The following PCDHGB3 variants were observed in gnomAD, a reference collection of about 807,000 sequenced individuals.
PCDHGB3 encodes the protein protocadherin gamma-B3.
Under a neutral mutation model 59.2 loss-of-function variants are expected in PCDHGB3, and 40 were observed. That is an observed-to-expected ratio of 0.68 (90% confidence interval 0.52 to 0.88). The LOEUF (loss-of-function observed/expected upper bound fraction) is 0.88, where lower values mean the gene tolerates loss of function less well. PCDHGB3 is among the 40% of genes least tolerant of loss of function. The pLI is 0.00. For missense variants in PCDHGB3, 1,309 were observed against 1,187.9 expected (o/e 1.10, Z -1.50); for synonymous variants, 581 against 503.6 (o/e 1.15, Z -2.06).
chr5:141,422,194 C>A, intron 1 of PCDHGB3: 1 of 1,562,366 alleles, frequency 6.4e-7, no homozygotes, highest in South Asian at 1.2e-5. Flanking sequence ...AATTCAAGGC[C>A]AAGATGGTGG....
At position 141,389,543 on chromosome 5, in the gene PCDHGB3, C is replaced by A. The variant is rs550025687; in HGVS notation, c.2415+16734C>A. 5.6e-6 allele frequency: 9 copies of A among 1,613,282 alleles called. No individual in the cohort carries two copies. In the East Asian group the frequency reaches 6.7e-5, roughly 12 times the overall value. ...GCCTGCGCGTGTTAGTGGACGACCG[C>A]AACGACAATGCGCCACGGGTGCTGT... On this transcript the variant is annotated intron_variant, in intron 1 of 3. Transcript: ENST00000576222.
intron 1 of PCDHGB3, chr5:141,375,594 A>T: frequency 6.2e-7 from 1 of 1,613,890 alleles, no homozygotes; most frequent in Non-Finnish European, 8.5e-7. Flanking sequence ...CTGTCCTCCT[A>T]CGTGTCCATC....
chr5:141,498,919 CG>C (rs2099786825), intron 2 of PCDHGB3, among the ~76,000 whole-genome samples: 1 of 122,240 alleles, frequency 8.2e-6, no homozygotes, highest in African/African-American at 3.1e-5. Context: ...GGTGACAGAG[CG>C]AGACTCCATC....
chr5:141,431,071 A>G lies in PCDHGB3; in HGVS notation c.2415+58262A>G. The G allele has an allele frequency of 6.2e-7, 1 of 1,614,244 alleles. No homozygotes were observed. On this transcript the variant is annotated intron_variant, in intron 1 of 3. Coordinates refer to ENST00000576222, the MANE Select transcript of PCDHGB3 (RefSeq NM_018924.5). The surrounding 1 kb of genome is among the most constrained non-coding windows in gnomAD (Gnocchi z 4.8). ...GTATGGGGGCCATCAAGTGTCAATTAAATCTAGACATTCTGATGGAGGATA... is the reference window on the plus strand; with the variant it reads ...GTATGGGGGCCATCAAGTGTCAATTGAATCTAGACATTCTGATGGAGGATA...
At chr5:141,510,626 AGGTG>A (rs2099882005) in intron 3 of PCDHGB3, among the ~76,000 whole-genome samples, 1 of 152,144 alleles carries the variant, frequency 6.6e-6, no homozygotes, top group Admixed American at 6.5e-5. Context: ...AAACCAGAAG[AGGTG>A]GTTACCATTA....
chr5:141,371,565 C>A lies in PCDHGB3; in HGVS notation c.1171C>A (p.Pro391Thr), dbSNP rs373548501. ...CCTATGCCAACTAAAAGGAAACTTC[C>A]CCTTTAAAATCGTTCAAGATACCAA... ...EILCQLKGNF[P>T]FKIVQDTKNT... The change falls in exon 1 of 4, where the codon CCC (proline) becomes ACC (threonine). Residue 391 changes from proline (P) to threonine (T), a missense_variant. Coordinates refer to ENST00000576222, the MANE Select transcript of PCDHGB3 (RefSeq NM_018924.5). 3.5e-5 allele frequency: 57 copies of A among 1,613,742 alleles called. No homozygotes were observed. Among genetic ancestry groups the A allele is most frequent in the Non-Finnish European group, 4.6e-5 (54 of 1,179,828 alleles).
Position 141,476,757 on chromosome 5 carries a change from T to C in PCDHGB3, c.2416-18050T>C. On this transcript the variant is annotated intron_variant, in intron 1 of 3. Coordinates refer to ENST00000576222, the MANE Select transcript of PCDHGB3 (RefSeq NM_018924.5). This position sits in a 1 kb window ranked among gnomAD's most constrained non-coding sequence, Gnocchi z 7.6. ...CGGGAGCCTAGTCTCCAGTTAGTGC[T>C]GACGGCGTTGGACGGAGGGACCCCA... 1.2e-6 allele frequency: 2 copies of C among 1,613,906 alleles called. No individual in the cohort carries two copies. The highest frequency in any genetic ancestry group is 1.7e-6 in the Non-Finnish European group (2 of 1,180,004).
At chr5:141,398,075 A>T in intron 1 of PCDHGB3, 1 of 1,592,106 alleles carries the variant, frequency 6.3e-7, no homozygotes, top group Non-Finnish European at 8.6e-7. Flanking sequence ...TACAGAGGTT[A>T]TTTGTAACCT....
chr5:141,483,786 C>T (rs2099587125), intron 1 of PCDHGB3, among the ~76,000 whole-genome samples: 1 of 152,136 alleles, frequency 6.6e-6, no homozygotes, highest in African/African-American at 2.4e-5. Context: ...AGGATAAGAA[C>T]TCCAGTTGTT....
intron 2 of PCDHGB3, 145 bp downstream of exon 2, chr5:141,495,010 G>GT: frequency 6.6e-7 from 1 of 1,516,970 alleles, no homozygotes; most frequent in East Asian, 2.5e-5. Flanking sequence ...GTGTGCGGGG[G>GT]GCTGGCACAC....
chr5:141,385,132 G>T (rs763210124), intron 1 of PCDHGB3: 2 of 1,614,094 alleles, frequency 1.2e-6, no homozygotes, highest in African/African-American at 1.3e-5. Flanking sequence ...GGGCATGGAC[G>T]GGGTGCAGGC....
In PCDHGB3 at chr5:141,485,051, CCGAACCGCG is replaced by C. The variant is rs2099605816; in HGVS notation, c.2416-9754_2416-9746del. On this transcript the variant is annotated intron_variant, in intron 1 of 3. Coordinates refer to ENST00000576222, the MANE Select transcript of PCDHGB3 (RefSeq NM_018924.5). This position sits in a 1 kb window ranked among gnomAD's most constrained non-coding sequence, Gnocchi z 5.7. ...CGGCGCGTAACCCTTGCGGCGCCGG[CCGAACCGCG>C]CCAGAGCTGGCGCGGGGAAAGGGAG... 1.2e-6 allele frequency: 1 copy of C among 801,304 alleles called. No individual in the cohort carries two copies. Among genetic ancestry groups the C allele is most frequent in the East Asian group, 2.5e-5 (1 of 40,224 alleles). 49.6% of individuals were successfully genotyped at this position (801,304 alleles called of 1,614,324 possible). A position where few individuals can be genotyped will look rare whatever the true frequency, so the allele number is the denominator to read the frequency against.
chr5:141,454,796 ATTTTTTTTTT>A (rs61612330), intron 1 of PCDHGB3, among the ~76,000 whole-genome samples: 11 of 77,458 alleles, frequency 1.4e-4, no homozygotes, highest in East Asian at 8.0e-4. Flanking sequence ...CATGGTTCTA[ATTTTTTTTTT>A]TTTTTTTTTT....
rs2099621975 is a variant in PCDHGB3 at position 141,485,946 on chromosome 5, G to A, written c.2416-8861G>A. ...AGTGTGTTGGAGAGCGCACCAGCGG[G>A]CATGGTGCTCATCCAGCTCAATGCC... On this transcript the variant is annotated intron_variant, in intron 1 of 3. Transcript: ENST00000576222. This position sits in a 1 kb window ranked among gnomAD's most constrained non-coding sequence, Gnocchi z 5.7. The A allele has an allele frequency of 1.2e-6, 2 of 1,614,040 alleles. No homozygotes were observed. The highest frequency in any genetic ancestry group is 2.2e-5 in the East Asian group (1 of 44,884).
At chr5:141,393,114 C>A (rs750579370) in intron 1 of PCDHGB3, 3 of 1,613,300 alleles carry the variant, frequency 1.9e-6, no homozygotes, top group South Asian at 2.2e-5. Context: ...TCAGAGCCCG[C>A]GGTGTCTGAT....
At chr5:141,418,583 T>A (rs1242446631) in intron 1 of PCDHGB3, 1 of 1,613,862 alleles carries the variant, frequency 6.2e-7, no homozygotes, top group Non-Finnish European at 8.5e-7. Flanking sequence ...CCCCCCAGTG[T>A]TCAGCCAGGA....
intron 1 of PCDHGB3, chr5:141,388,895 T>C (rs2150370716): frequency 6.2e-7 from 1 of 1,613,946 alleles, no homozygotes; most frequent in Non-Finnish European, 8.5e-7. Flanking sequence ...AAGTCATAGA[T>C]GAAAATGACA....
At position 141,489,244 on chromosome 5, in the gene PCDHGB3, G is replaced by C. The variant is rs145484133; in HGVS notation, c.2416-5563G>C. The C allele has an allele frequency of 3.3e-6, 5 of 1,534,936 alleles. No homozygotes were observed. Among genetic ancestry groups the C allele is most frequent in the African/African-American group, 1.4e-5 (1 of 72,374 alleles). On this transcript the variant is annotated intron_variant, in intron 1 of 3. Transcript: ENST00000576222. This position sits in a 1 kb window ranked among gnomAD's most constrained non-coding sequence, Gnocchi z 4.5. ...TCCACAAAGGGACTTCTGGGTCATGGGGCCCAAGACACTCCCACAGCTCGC... is the reference window on the plus strand; with the variant it reads ...TCCACAAAGGGACTTCTGGGTCATGCGGCCCAAGACACTCCCACAGCTCGC...
At chr5:141,443,820 T>A (rs1329478151) in intron 1 of PCDHGB3, among the ~76,000 whole-genome samples, 1 of 151,986 alleles carries the variant, frequency 6.6e-6, no homozygotes, top group Non-Finnish European at 1.5e-5. Context: ...TTGGAAAACA[T>A]AATTAGGTAA....
Sources: allele counts gnomAD v4.1 joint callset (sites outside exome capture counted in the v4.1 genomes callset), GRCh38; gene constraint gnomAD v4.1.1; non-coding constraint Gnocchi (gnomAD v3.1); transcripts MANE v1.5; gene names NCBI Gene and HGNC (gene_info 2026-07-23, HGNC 2026-07-21).